CDH13: variants seen among roughly 807,000 people sequenced by gnomAD.
CDH13 encodes the protein cadherin-13.
In CDH13, 24 loss-of-function variants were observed where a neutral mutation model predicts 63.8. That is an observed-to-expected ratio of 0.38 (90% CI 0.27 to 0.53). The LOEUF (loss-of-function observed/expected upper bound fraction) is 0.53. CDH13 is among the 20% of genes least tolerant of loss of function. The probability of loss-of-function intolerance (pLI) is 0.85; values close to 1 mark genes in which losing one functional copy is unlikely to be tolerated. For synonymous variants in CDH13, 503 were observed against 355.3 expected, an observed-to-expected ratio of 1.42 and a Z score of -4.67; for missense variants, 1,049 against 903.1, an observed-to-expected ratio of 1.16 and a Z score of -2.07.
rs185609904 is a variant in CDH13, at chr16:82,838,360, G to C, written c.46-20002G>C. 1.2e-3 allele frequency among the ~76,000 whole-genome samples: 181 copies of C among 152,310 alleles called. 2 individuals carry two copies. Among genetic ancestry groups the C allele is most frequent in the African/African-American group, 4.0e-3 (168 of 41,562 alleles). ...ATCACTAGTGTCCACTATAGGGATG[G>C]ACAGGTGGTAGGTGTTCAATATTTG... On this transcript the variant is annotated intron_variant, in intron 1 of 13. Coordinates refer to ENST00000567109, the MANE Select transcript of CDH13 (RefSeq NM_001257.5).
chr16:83,140,827 C>T (rs1361116762), intron 4 of CDH13, among the ~76,000 whole-genome samples: 2 of 152,152 alleles, frequency 1.3e-5, no homozygotes, highest in African/African-American at 2.4e-5. Context: ...TTGTTTCTTA[C>T]CCTTGTTTCT....
intron 6 of CDH13, among the ~76,000 whole-genome samples, chr16:83,472,268 C>T (rs1034995026): frequency 3.3e-5 from 5 of 152,224 alleles, no homozygotes; most frequent in African/African-American, 9.6e-5. Context: ...GGGCATGCTG[C>T]TAACCCTCTG....
chr16:82,647,544 C>G (rs1369384832), intron 1 of CDH13, among the ~76,000 whole-genome samples: 2 of 152,144 alleles, frequency 1.3e-5, no homozygotes, highest in African/African-American at 2.4e-5. Context: ...CCCTGGGAAC[C>G]TTTGAGAATC....
intron 1 of CDH13, among the ~76,000 whole-genome samples, chr16:82,737,908 C>T (rs2033754052): frequency 6.6e-6 from 1 of 152,198 alleles, no homozygotes; most frequent in South Asian, 2.1e-4. Flanking sequence ...ATCAAGGCTT[C>T]CAATATCATT....
At chr16:82,790,676 G>A (rs374901251) in intron 1 of CDH13, among the ~76,000 whole-genome samples, 25 of 152,262 alleles carry the variant, frequency 1.6e-4, no homozygotes, top group African/African-American at 5.8e-4. Flanking sequence ...AGTTCACCAT[G>A]GCTGGGAAGG....
chr16:82,780,069 C>A (rs1295338912), intron 1 of CDH13, among the ~76,000 whole-genome samples: 8 of 152,158 alleles, frequency 5.3e-5, no homozygotes, highest in Non-Finnish European at 1.2e-4. Context: ...AAAACAAGCA[C>A]AGCTGAAATC....
intron 2 of CDH13, among the ~76,000 whole-genome samples, chr16:82,995,687 A>C (rs1455779659): frequency 1.3e-5 from 2 of 152,148 alleles, no homozygotes. Context: ...AACTATTTTC[A>C]AAATAGATGT....
At chr16:83,116,251 G>A (rs1289216286) in intron 3 of CDH13, among the ~76,000 whole-genome samples, 1 of 152,160 alleles carries the variant, frequency 6.6e-6, no homozygotes, top group East Asian at 1.9e-4. Flanking sequence ...TTGGCTCCCG[G>A]GAAATAGACC....
At chr16:82,810,388 C>G (rs530779943) in intron 1 of CDH13, among the ~76,000 whole-genome samples, 45 of 152,066 alleles carry the variant, frequency 3.0e-4, no homozygotes, top group Non-Finnish European at 5.9e-4. Flanking sequence ...GGTACAGCTA[C>G]CAGAAAAGCA....
In CDH13 at chr16:83,312,029, T is replaced by G. The variant is rs1266998577; in HGVS notation, c.637-32833T>G. Among the ~76,000 whole-genome samples, 5 of 136,252 alleles carry G rather than the reference T, an allele frequency of 3.7e-5. No homozygotes were observed. The East Asian group carries it at 1.0e-3, about 29-fold the overall frequency. The allele number at this position is 136,252 out of a possible 152,430, so 89.4% of individuals were successfully genotyped here. A position where few individuals can be genotyped will look rare whatever the true frequency, so the allele number is the denominator to read the frequency against. On this transcript the variant is annotated intron_variant, in intron 5 of 13. Transcript: ENST00000567109. ...CGGAAGTTGCAGTGAGCTGAGATTG[T>G]GCATTGCACTCCAGCCTGGGCAATA... is the stretch of plus-strand genomic sequence containing the variant.
intron 2 of CDH13, among the ~76,000 whole-genome samples, chr16:82,940,652 G>A (rs745804497): frequency 7.9e-5 from 12 of 152,140 alleles, no homozygotes; most frequent in South Asian, 4.1e-4. Context: ...ACTAATCAGC[G>A]TCTACGTTTG....
At chr16:83,103,585 A>G (rs989625377) in intron 3 of CDH13, among the ~76,000 whole-genome samples, 9 of 152,160 alleles carry the variant, frequency 5.9e-5, no homozygotes, top group Admixed American at 5.9e-4. Flanking sequence ...CATGCAGGAG[A>G]TAAGAGGTAG....
intron 6 of CDH13, among the ~76,000 whole-genome samples, chr16:83,474,271 CA>C (rs1284115150): frequency 5.9e-5 from 9 of 152,300 alleles, no homozygotes; most frequent in Non-Finnish European, 1.2e-4. Flanking sequence ...CAACTTTACA[CA>C]GTCATAGGTG....
intron 3 of CDH13, among the ~76,000 whole-genome samples, chr16:83,104,803 C>T (rs115117834): frequency 0.025 from 3,794 of 152,204 alleles, 179 homozygotes; most frequent in African/African-American, 0.088. Flanking sequence ...GCAGCCATAA[C>T]ATTATGAAGC....
intron 2 of CDH13, among the ~76,000 whole-genome samples, chr16:82,899,007 A>G (rs1428579234): frequency 6.6e-6 from 1 of 152,254 alleles, no homozygotes; most frequent in African/African-American, 2.4e-5. Flanking sequence ...GAGGACCAGC[A>G]TTCAGACTGT....
chr16:82,892,037 C>T (rs1411714236), intron 2 of CDH13, among the ~76,000 whole-genome samples: 1 of 152,128 alleles, frequency 6.6e-6, no homozygotes, highest in Non-Finnish European at 1.5e-5. Flanking sequence ...CACTTCCAAC[C>T]TCAGCTCGTC....
At chr16:83,403,928 A>G (rs189778192) in intron 6 of CDH13, among the ~76,000 whole-genome samples, 2 of 152,382 alleles carry the variant, frequency 1.3e-5, no homozygotes, top group East Asian at 1.9e-4. Context: ...ACAAGAAGAT[A>G]TAATGACACA....
chr16:82,858,525 A>G, intron 2 of CDH13, 52 bp downstream of exon 2: 1 of 1,085,744 alleles, frequency 9.2e-7, no homozygotes, highest in South Asian at 1.3e-5. Flanking sequence ...ATTTGAATTT[A>G]CTAATGTTTA....
chr16:82,765,225 C>T (rs536839866), intron 1 of CDH13, among the ~76,000 whole-genome samples: 5 of 152,176 alleles, frequency 3.3e-5, no homozygotes, highest in East Asian at 3.9e-4. Flanking sequence ...CTCTGATTCA[C>T]AGTGAATTTC....
Sources: gnomAD v4.1 joint callset for allele counts (sites outside exome capture counted in the v4.1 genomes callset) on GRCh38, gnomAD v4.1.1 for gene constraint, MANE v1.5 for transcripts, NCBI Gene and HGNC (gene_info 2026-07-23, HGNC 2026-07-21) for gene names.